TLE4: variants seen among roughly 807,000 people sequenced by gnomAD.
TLE4 encodes the protein transducin-like enhancer protein 4.
TLE4 carries 8 observed loss-of-function variants against 92.8 expected under a neutral mutation model. That is an observed-to-expected ratio of 0.09 (90% CI 0.05 to 0.16). The LOEUF (loss-of-function observed/expected upper bound fraction) is 0.16, where lower values mean the gene tolerates loss of function less well. TLE4 is among the 10% of genes least tolerant of loss of function. The pLI is 1.00. For missense variants in TLE4, 675 were observed against 997.6 expected (o/e 0.68, Z 4.36); for synonymous variants, 371 against 374.1 (o/e 0.99, Z 0.10).
intron 8 of TLE4, among the ~76,000 whole-genome samples, chr9:79,689,241 A>T (rs1305073260): frequency 6.6e-6 from 1 of 152,022 alleles, no homozygotes; most frequent in East Asian, 1.9e-4. Flanking sequence ...AAAGTTGATA[A>T]GAATTCTTAA....
At chr9:79,611,428 C>T (rs2133035520) in intron 4 of TLE4, among the ~76,000 whole-genome samples, 1 of 152,056 alleles carries the variant, frequency 6.6e-6, no homozygotes, top group Admixed American at 6.6e-5. Context: ...TTTTAAGGTG[C>T]TGGCATTTAA....
chr9:79,679,113 G>T (rs1389635818), intron 8 of TLE4, among the ~76,000 whole-genome samples: 6 of 151,932 alleles, frequency 3.9e-5, no homozygotes, highest in Admixed American at 3.3e-4. Flanking sequence ...GCAGCATGAT[G>T]TATAGTCCTT....
chr9:79,614,032 T>C (rs112679649), intron 5 of TLE4, among the ~76,000 whole-genome samples: 33 of 152,170 alleles, frequency 2.2e-4, no homozygotes, highest in Non-Finnish European at 1.2e-4. Flanking sequence ...TAGGATTTGC[T>C]TATGGCTAGA....
At chr9:79,717,699 T>G (rs2074808013) in intron 14 of TLE4, among the ~76,000 whole-genome samples, 1 of 152,250 alleles carries the variant, frequency 6.6e-6, no homozygotes, top group Non-Finnish European at 1.5e-5. Context: ...TCCAGCTTCC[T>G]GTCCTTTACG....
At chr9:79,624,169 C>G (rs1008524987) in intron 5 of TLE4, among the ~76,000 whole-genome samples, 1 of 80,726 alleles carries the variant, frequency 1.2e-5, no homozygotes, top group African/African-American at 4.9e-5. Context: ...TGTTAAAACC[C>G]GAAAATGGAA....
intron 8 of TLE4, chr9:79,668,725 T>C: frequency 1.8e-6 from 1 of 554,356 alleles, no homozygotes; most frequent in Non-Finnish European, 2.2e-6. Context: ...AAGAACAGTA[T>C]ATGCTAAAAT....
chr9:79,702,577 T>C (rs2070250504), intron 8 of TLE4, among the ~76,000 whole-genome samples: 1 of 152,218 alleles, frequency 6.6e-6, no homozygotes, highest in South Asian at 2.1e-4. Flanking sequence ...AAAAATCGTT[T>C]GGCTCGTAAT....
At chr9:79,588,488 C>G (rs2041776907) in intron 4 of TLE4, among the ~76,000 whole-genome samples, 1 of 152,136 alleles carries the variant, frequency 6.6e-6, no homozygotes, top group South Asian at 2.1e-4. Context: ...TCGTCTGCTT[C>G]TGTGTTCTGT....
chr9:79,634,132 C>T (rs1785840589), intron 6 of TLE4, among the ~76,000 whole-genome samples: 1 of 152,122 alleles, frequency 6.6e-6, no homozygotes, highest in African/African-American at 2.4e-5. Flanking sequence ...AGTACTTTCA[C>T]CAATATCCTA....
intron 8 of TLE4, among the ~76,000 whole-genome samples, chr9:79,681,006 A>G (rs2064441466): frequency 6.6e-6 from 1 of 151,992 alleles, no homozygotes; most frequent in African/African-American, 2.4e-5. Context: ...AAGCTTTTTG[A>G]TGTGCTGCTG....
In TLE4 at chr9:79,718,871, A is replaced by C. The variant is rs981675882; in HGVS notation, c.1490A>C (p.Asn497Thr). 3.1e-6 allele frequency: 5 copies of C among 1,614,020 alleles called. No individual in the cohort carries two copies. Among genetic ancestry groups the C allele is most frequent in the Non-Finnish European group, 4.2e-6 (5 of 1,180,006 alleles). The part of the protein sequence containing the change: ...GEVVCAVTIS[N>T]PTRHVYTGGK... The stretch of plus-strand genomic sequence containing the variant: ...GTGGTGTGCGCGGTGACCATCAGCA[A>C]CCCCACGAGACACGTGTACACGGGT... Residue 497 changes from asparagine to threonine, a missense_variant, in exon 15 of 20, where the codon AAC (asparagine) becomes ACC (threonine). Coordinates refer to ENST00000376552, the MANE Select transcript of TLE4 (RefSeq NM_007005.6).
intron 8 of TLE4, among the ~76,000 whole-genome samples, chr9:79,658,545 G>A (rs1027841765): frequency 2.0e-5 from 3 of 152,102 alleles, no homozygotes; most frequent in Admixed American, 6.6e-5. Flanking sequence ...GACAATAAAG[G>A]TTTATCAGCG....
rs1212670025 is a variant in TLE4, at chr9:79,726,333, TTTA to T, written c.*1195_*1197del. 1.3e-5 allele frequency: 2 copies of T among 152,682 alleles called. No homozygotes were observed. Among genetic ancestry groups the T allele is most frequent in the Non-Finnish European group, 2.9e-5 (2 of 68,046 alleles). The allele number at this position is 152,682 out of a possible 1,614,324, so 9.5% of individuals were successfully genotyped here. On this transcript the variant is annotated 3_prime_UTR_variant, in exon 20 of 20. Coordinates refer to ENST00000376552, the MANE Select transcript of TLE4 (RefSeq NM_007005.6). ...TAAACTATAATATGTGACTTCTTTT[TTTA>T]TTATTTTTTGTTTGAATGCTTTAAA...
intron 4 of TLE4, among the ~76,000 whole-genome samples, chr9:79,584,279 G>A (rs1047903346): frequency 6.6e-6 from 1 of 152,222 alleles, no homozygotes; most frequent in Non-Finnish European, 1.5e-5. Flanking sequence ...TCTAGTGAGA[G>A]ATCTGATCTG....
At chr9:79,595,485 G>A (rs1470417032) in intron 4 of TLE4, among the ~76,000 whole-genome samples, 1 of 152,162 alleles carries the variant, frequency 6.6e-6, no homozygotes, top group Non-Finnish European at 1.5e-5. Context: ...TTTGCTGATC[G>A]GTAACAATGT....
intron 4 of TLE4, chr9:79,601,357 G>A (rs2045606448): frequency 4.4e-6 from 2 of 456,278 alleles, no homozygotes; most frequent in East Asian, 6.9e-5. Context: ...ATATATTAAT[G>A]TGCTTTAGCT....
At chr9:79,603,566 A>G (rs2046154487) in intron 4 of TLE4, among the ~76,000 whole-genome samples, 1 of 152,078 alleles carries the variant, frequency 6.6e-6, no homozygotes, top group South Asian at 2.1e-4. Context: ...TATAGTACAA[A>G]CATAACTTTT....
intron 5 of TLE4, among the ~76,000 whole-genome samples, chr9:79,619,870 TCA>T (rs1202699709): frequency 6.6e-6 from 1 of 152,220 alleles, no homozygotes; most frequent in Non-Finnish European, 1.5e-5. Context: ...ATATATTTTC[TCA>T]TAATACTGAA....
At chr9:79,690,514 T>C (rs1453752058) in intron 8 of TLE4, among the ~76,000 whole-genome samples, 2 of 152,200 alleles carry the variant, frequency 1.3e-5, no homozygotes, top group Non-Finnish European at 2.9e-5. Flanking sequence ...TTTCTCACCT[T>C]CTTTGATAAA....
Sources: gnomAD v4.1 joint callset for allele counts (sites outside exome capture counted in the v4.1 genomes callset) on GRCh38, gnomAD v4.1.1 for gene constraint, MANE v1.5 for transcripts, NCBI Gene and HGNC (gene_info 2026-07-23, HGNC 2026-07-21) for gene names.